ADAM12: variants seen among roughly 807,000 people sequenced by gnomAD.
ADAM12 encodes ADAM metallopeptidase domain 12, also known as disintegrin and metalloproteinase domain-containing protein 12.
A neutral mutation model predicts 106.4 loss-of-function variants in ADAM12; 70 were observed. The ratio of observed to expected loss-of-function variants is 0.66; its 90% CI spans 0.54 to 0.80. ADAM12 has a LOEUF of 0.80. Among genes scored for constraint, ADAM12 ranks in the 30% least tolerant of loss-of-function variants. The pLI, the probability that ADAM12 is intolerant of heterozygous loss-of-function variation, is 0.00. For synonymous variants in ADAM12, 420 were observed against 433.5 expected, an observed-to-expected ratio of 0.97 and a Z score of 0.39; for missense variants, 1,010 against 1,171.9, an observed-to-expected ratio of 0.86 and a Z score of 2.02.
At chr10:126,232,560 C>T (rs1046713939) in intron 3 of ADAM12, among the ~76,000 whole-genome samples, 12 of 152,168 alleles carry the variant, frequency 7.9e-5, no homozygotes, top group Admixed American at 4.6e-4. Flanking sequence ...CACCAGAAAA[C>T]CCCACATGGA....
rs1339534354 is a variant in ADAM12, at chr10:126,065,016, C to A, written c.1414-15G>T. ...GCAGGCTTCAGCTGGAAGGAGAGGG[C>A]CATTTATGACACATGCACCCGGGGA... On this transcript the variant is annotated splice_polypyrimidine_tract_variant and intron_variant, in intron 13 of 22. Coordinates refer to ENST00000448723, the MANE Select transcript of ADAM12 (RefSeq NM_001288973.2). 34 of 1,599,776 alleles carry A rather than the reference C, an allele frequency of 2.1e-5. No individual in the cohort carries two copies. Among genetic ancestry groups the A allele is most frequent in the Non-Finnish European group, 2.7e-5 (32 of 1,172,702 alleles).
At position 126,043,225 on chromosome 10, in the gene ADAM12, A is replaced by G. The variant is rs1248542295; in HGVS notation, c.1996-77T>C. ...CACCACAGCAGAAGCAAGGGGGGCC[A>G]TGGTCAGAGCCCCCCCCCAACACTG... On this transcript the variant is annotated intron_variant, in intron 17 of 22. Coordinates refer to ENST00000448723, the MANE Select transcript of ADAM12 (RefSeq NM_001288973.2). The surrounding 1 kb of genome is among the most constrained non-coding windows in gnomAD (Gnocchi z 4.1). The G allele has an allele frequency of 7.5e-7, 1 of 1,340,812 alleles. No homozygotes were observed. Among genetic ancestry groups the G allele is most frequent in the Admixed American group, 1.9e-5 (1 of 51,404 alleles). The allele number at this position is 1,340,812 out of a possible 1,614,324, so 83.1% of individuals were successfully genotyped here.
chr10:126,082,375 T>G (rs1205505808), intron 11 of ADAM12, among the ~76,000 whole-genome samples: 1 of 145,552 alleles, frequency 6.9e-6, no homozygotes, highest in Admixed American at 6.9e-5. Flanking sequence ...TTTTTTTTTT[T>G]TTTTTTTTTT....
chr10:126,327,391 C>G (rs1035914284), intron 2 of ADAM12, among the ~76,000 whole-genome samples: 2 of 152,114 alleles, frequency 1.3e-5, no homozygotes, highest in Non-Finnish European at 2.9e-5. Context: ...CATTCCCAGC[C>G]AGAAATTGCT....
At chr10:126,169,457 A>G (rs1174519669) in intron 3 of ADAM12, among the ~76,000 whole-genome samples, 1 of 152,226 alleles carries the variant, frequency 6.6e-6, no homozygotes, top group Non-Finnish European at 1.5e-5. Context: ...AACTTAGTAG[A>G]TGCTCAATAA....
At position 126,094,060 on chromosome 10, in the gene ADAM12, T is replaced by C. The variant is rs1955512470; in HGVS notation, c.1070A>G (p.His357Arg). 6.2e-7 allele frequency: 1 copy of C among 1,614,054 alleles called. No individual in the cohort carries two copies. The highest frequency in any genetic ancestry group is 1.3e-5 in the African/African-American group (1 of 74,926). Residue 357 changes from histidine (H) to arginine (R), a missense_variant, in exon 11 of 23, where the codon CAT becomes CGT. By Grantham distance (29) the His-to-Arg change is conservative. This residue lies in a region of ADAM12 where 4 missense variants were observed against 20.5 expected (regional missense o/e 0.19). Transcript: ENST00000448723. Reference protein sequence around the residue: ...HELGHNFGMNHDTLDRGCSCQ... With the variant: ...HELGHNFGMNRDTLDRGCSCQ... ...GCTACAGCCCCTGTCCAGTGTGTCA[T>C]GATTCATCCCGAAATTGTGGCCCAG...
At chr10:126,153,349 C>A (rs1223373063) in intron 4 of ADAM12, among the ~76,000 whole-genome samples, 2 of 152,158 alleles carry the variant, frequency 1.3e-5, no homozygotes, top group Non-Finnish European at 2.9e-5. Flanking sequence ...TGGTGTTCTG[C>A]ATTTTCATCA....
intron 3 of ADAM12, among the ~76,000 whole-genome samples, chr10:126,260,846 A>G (rs1436473011): frequency 6.6e-6 from 1 of 152,234 alleles, no homozygotes; most frequent in Non-Finnish European, 1.5e-5. Flanking sequence ...ATATACTTGT[A>G]TGATGTGACA....
At chr10:126,059,700 C>T (rs1954710748) in intron 14 of ADAM12, among the ~76,000 whole-genome samples, 1 of 152,288 alleles carries the variant, frequency 6.6e-6, no homozygotes, top group African/African-American at 2.4e-5. Flanking sequence ...ACATTGCATT[C>T]TGGTGAGTGA....
At chr10:126,161,978 TA>T (rs754252415) in intron 3 of ADAM12, among the ~76,000 whole-genome samples, 3 of 152,240 alleles carry the variant, frequency 2.0e-5, no homozygotes, top group Admixed American at 6.5e-5. Context: ...TACCAGGAAG[TA>T]AAATGCATTT....
At chr10:126,039,465 A>T (rs747028534) in intron 18 of ADAM12, 36 bp from the exon 19 acceptor site, 1 of 1,612,930 alleles carries the variant, frequency 6.2e-7, no homozygotes, top group South Asian at 1.1e-5. Flanking sequence ...AGAAGGAGGC[A>T]GTTACAATGA....
At chr10:126,072,215 A>T (rs2133500684) in intron 11 of ADAM12, among the ~76,000 whole-genome samples, 1 of 152,270 alleles carries the variant, frequency 6.6e-6, no homozygotes, top group East Asian at 1.9e-4. Flanking sequence ...GAGGTGATCC[A>T]GAAATGCAGG....
At chr10:126,272,858 G>A (rs1200932374) in intron 3 of ADAM12, 8 of 404,854 alleles carry the variant, frequency 2.0e-5, no homozygotes, top group Non-Finnish European at 4.1e-5. Flanking sequence ...GGCTTCTACA[G>A]TGTGCTCCAG....
At chr10:126,387,932 C>A (rs181677161) in intron 1 of ADAM12, 126 bp downstream of exon 1, 2 of 1,138,702 alleles carry the variant, frequency 1.8e-6, no homozygotes, top group South Asian at 4.4e-5. Context: ...GCGCAAGCCC[C>A]GGGGCTCCGG....
chr10:126,086,680 A>AAAAAAAATATATAT (rs1554966976), intron 11 of ADAM12, among the ~76,000 whole-genome samples: 6 of 24,262 alleles, frequency 2.5e-4, no homozygotes, highest in Admixed American at 7.9e-4. Flanking sequence ...AAAAAAAAAA[A>AAAAAAAATATATAT]ATATATATAT....
chr10:126,022,241 T>C (rs760772377), intron 21 of ADAM12, among the ~76,000 whole-genome samples: 1 of 152,224 alleles, frequency 6.6e-6, no homozygotes. Flanking sequence ...CTCTCAGGCA[T>C]GTCTCCTACT....
intron 3 of ADAM12, among the ~76,000 whole-genome samples, chr10:126,257,075 G>A (rs1379663340): frequency 6.6e-6 from 1 of 152,202 alleles, no homozygotes; most frequent in African/African-American, 2.4e-5. Flanking sequence ...AAGGCCTGCA[G>A]TGCCCACTCT....
At chr10:126,203,272 G>T (rs1445853614) in intron 3 of ADAM12, among the ~76,000 whole-genome samples, 4 of 123,666 alleles carry the variant, frequency 3.2e-5, no homozygotes, top group Non-Finnish European at 6.6e-5. Context: ...TTCTTTATTT[G>T]ACATGCATAT....
At chr10:126,222,818 C>A (rs1958120103) in intron 3 of ADAM12, among the ~76,000 whole-genome samples, 2 of 152,172 alleles carry the variant, frequency 1.3e-5, no homozygotes, top group African/African-American at 2.4e-5. Context: ...AGCATCTAGT[C>A]TTCCTGGCTC....
Sources: gnomAD v4.1 joint callset for allele counts (sites outside exome capture counted in the v4.1 genomes callset) on GRCh38, gnomAD v4.1.1 for gene constraint, gnomAD v4.1.1 regional missense constraint, Gnocchi (gnomAD v3.1) non-coding constraint, MANE v1.5 for transcripts, NCBI Gene and HGNC (gene_info 2026-07-23, HGNC 2026-07-21) for gene names.